NOX4: variants seen among roughly 807,000 people sequenced by gnomAD.
The protein encoded by NOX4 is NADPH oxidase 4, also known as kidney oxidase-1.
A neutral mutation model predicts 87.6 loss-of-function variants in NOX4; 69 were observed. The observed-to-expected ratio is 0.79, with a 90% CI of 0.65 to 0.96. The LOEUF (loss-of-function observed/expected upper bound fraction) is 0.96. NOX4 is among the 40% of genes least tolerant of loss of function. The pLI, the probability that NOX4 is intolerant of heterozygous loss-of-function variation, is 0.00. For missense variants in NOX4, 680 were observed against 681.5 expected, an observed-to-expected ratio of 1.00 and a Z score of 0.02; for synonymous variants, 275 against 238.2, an observed-to-expected ratio of 1.15 and a Z score of -1.42.
chr11:89,397,735 G>A (rs999487396), intron 11 of NOX4, among the ~76,000 whole-genome samples: 5 of 151,726 alleles, frequency 3.3e-5, no homozygotes, highest in East Asian at 1.9e-4. Context: ...TAAATTCCTC[G>A]ACACATACAC....
At chr11:89,521,030 G>T in the NOX4 span, among the ~76,000 whole-genome samples, 1 of 152,050 alleles carries the variant, frequency 6.6e-6, no homozygotes, top group Admixed American at 6.6e-5. Flanking sequence ...ATTACTAAAA[G>T]AAATAATAGA....
intron 2 of NOX4, among the ~76,000 whole-genome samples, chr11:89,458,280 A>C (rs1945296772): frequency 6.6e-6 from 1 of 152,142 alleles, no homozygotes; most frequent in South Asian, 2.1e-4. Flanking sequence ...TGAATGAAAG[A>C]CTTAAATATA....
the NOX4 span, among the ~76,000 whole-genome samples, chr11:89,561,015 T>TATTATATATATATATATATATAC: frequency 1.2e-5 from 1 of 80,512 alleles, no homozygotes; most frequent in African/African-American, 6.0e-5. Flanking sequence ...TATATATATA[T>TATTATATATATATATATATATAC]ATATACATAC....
At chr11:89,458,795 TA>T (rs1388461298) in intron 2 of NOX4, among the ~76,000 whole-genome samples, 3 of 152,096 alleles carry the variant, frequency 2.0e-5, no homozygotes, top group Middle Eastern at 3.4e-3. Context: ...ATTAAAAAGT[TA>T]AAAAATAACA....
At chr11:89,536,950 A>G in the NOX4 span, among the ~76,000 whole-genome samples, 1 of 152,216 alleles carries the variant, frequency 6.6e-6, no homozygotes, top group Non-Finnish European at 1.5e-5. Context: ...ATTCATTTCA[A>G]AAACAACTAC....
intron 13 of NOX4, among the ~76,000 whole-genome samples, chr11:89,346,384 C>A (rs1339136177): frequency 6.6e-6 from 1 of 151,850 alleles, no homozygotes; most frequent in Non-Finnish European, 1.5e-5. Context: ...GCTCCAATAA[C>A]CATTATGAAT....
the NOX4 span, among the ~76,000 whole-genome samples, chr11:89,508,922 T>C: frequency 1.3e-5 from 2 of 152,036 alleles, no homozygotes; most frequent in Non-Finnish European, 1.5e-5. Flanking sequence ...AGTTGTCCAG[T>C]CAGAAAGACT....
At chr11:89,559,935 T>C in the NOX4 span, among the ~76,000 whole-genome samples, 1 of 152,152 alleles carries the variant, frequency 6.6e-6, no homozygotes, top group Non-Finnish European at 1.5e-5. Context: ...GCTCTCCATC[T>C]GCTATGGGTT....
At chr11:89,399,714 C>T (rs556151445) in intron 11 of NOX4, among the ~76,000 whole-genome samples, 1 of 151,270 alleles carries the variant, frequency 6.6e-6, no homozygotes, top group African/African-American at 2.4e-5. Flanking sequence ...GTCTTCCTAC[C>T]TTGACCTCCA....
intron 2 of NOX4, among the ~76,000 whole-genome samples, chr11:89,481,524 A>G (rs1192051122): frequency 6.6e-6 from 1 of 152,048 alleles, no homozygotes; most frequent in Non-Finnish European, 1.5e-5. Flanking sequence ...TCAAAATCAC[A>G]AAGGGAGAGA....
chr11:89,475,699 G>A (rs886789164), intron 2 of NOX4, among the ~76,000 whole-genome samples: 1 of 152,080 alleles, frequency 6.6e-6, no homozygotes, highest in South Asian at 2.1e-4. Context: ...AATAGGAACA[G>A]GGAAGAGATA....
chr11:89,534,695 TTC>T, the NOX4 span, among the ~76,000 whole-genome samples: 1 of 152,170 alleles, frequency 6.6e-6, no homozygotes, highest in Admixed American at 6.5e-5. Context: ...TTCTGCCAGA[TTC>T]TCCTCTATCA....
intron 2 of NOX4, chr11:89,489,027 G>C (rs754485128): frequency 5.3e-5 from 37 of 701,070 alleles, no homozygotes; most frequent in Non-Finnish European, 8.9e-5. Context: ...TAAATGAAAT[G>C]GGTTTAGCTT....
intron 2 of NOX4, among the ~76,000 whole-genome samples, chr11:89,454,744 T>G (rs1042269173): frequency 6.6e-6 from 1 of 152,090 alleles, no homozygotes; most frequent in Non-Finnish European, 1.5e-5. Context: ...AAGGTACAAC[T>G]AACAGGTTTA....
the NOX4 span, among the ~76,000 whole-genome samples, chr11:89,503,827 A>T: frequency 7.4e-5 from 11 of 148,262 alleles, no homozygotes; most frequent in African/African-American, 2.7e-4. Context: ...CTCATGCAAC[A>T]TATATTAATT....
intron 6 of NOX4, 35 bp downstream of exon 6, chr11:89,440,653 T>C (rs1170543808): frequency 6.7e-7 from 1 of 1,484,432 alleles, no homozygotes; most frequent in East Asian, 2.3e-5. Context: ...AAGATGTTCC[T>C]AAACCTAAAG....
chr11:89,373,556 T>A (rs984455002), intron 11 of NOX4, 64 bp from the exon 12 acceptor site: 2 of 1,058,830 alleles, frequency 1.9e-6, no homozygotes, highest in African/African-American at 1.6e-5. Flanking sequence ...ATAATTCAAT[T>A]ACAACTTTTA....
At chr11:89,577,975 T>C in the NOX4 span, among the ~76,000 whole-genome samples, 3 of 152,120 alleles carry the variant, frequency 2.0e-5, no homozygotes, top group Non-Finnish European at 2.9e-5. Flanking sequence ...TCTGTCAATT[T>C]TGTGGAACTC....
At chr11:89,446,269 C>A (rs1237115499) in intron 4 of NOX4, among the ~76,000 whole-genome samples, 1 of 151,862 alleles carries the variant, frequency 6.6e-6, no homozygotes, top group Non-Finnish European at 1.5e-5. Flanking sequence ...GTGGGGGATG[C>A]AAAAAATGGT....
Sources: allele counts gnomAD v4.1 joint callset (sites outside exome capture counted in the v4.1 genomes callset), GRCh38; gene constraint gnomAD v4.1.1; transcripts MANE v1.5; gene names NCBI Gene and HGNC (gene_info 2026-07-23, HGNC 2026-07-21).